PPP2R3A: variants seen among roughly 807,000 people sequenced by gnomAD.
The protein encoded by PPP2R3A is protein phosphatase 2 regulatory subunit B''alpha, also known as serine/threonine-protein phosphatase 2A regulatory subunit B'' subunit alpha.
A neutral mutation model predicts 106.9 loss-of-function variants in PPP2R3A; 80 were observed. The observed-to-expected ratio is 0.75, with a 90% CI of 0.62 to 0.90. The LOEUF (loss-of-function observed/expected upper bound fraction) is 0.90, where lower values mean the gene tolerates loss of function less well. Among genes scored for constraint, PPP2R3A ranks in the 40% least tolerant of loss-of-function variants. The pLI, the probability that PPP2R3A is intolerant of heterozygous loss-of-function variation, is 0.00. For synonymous variants in PPP2R3A, 483 were observed against 468.3 expected (o/e 1.03, Z -0.41); for missense variants, 1,386 against 1,350.4 (o/e 1.03, Z -0.41).
intron 7 of PPP2R3A, among the ~76,000 whole-genome samples, chr3:136,080,742 TAGTG>T (rs1405338819): frequency 1.3e-5 from 2 of 152,206 alleles, no homozygotes; most frequent in South Asian, 2.1e-4. Context: ...ATGTAGTTCT[TAGTG>T]GGTACAATCT....
rs541924189 is a variant in PPP2R3A, at chr3:136,114,140, G to A, written c.3329+7818G>A. ...GTGACCCGAAGCAGGGTGGGGCATC[G>A]CCTCACCCAGGAAGCAGAAGGGATC... On this transcript the variant is annotated intron_variant, in intron 13 of 13. Coordinates refer to ENST00000264977, the MANE Select transcript of PPP2R3A (RefSeq NM_002718.5). Among the ~76,000 whole-genome samples, 8 of 152,208 alleles carry A rather than the reference G, an allele frequency of 5.3e-5. No homozygotes were observed. The South Asian group carries it at 1.2e-3, about 24-fold the overall frequency.
chr3:136,074,379 G>A (rs1049562415), intron 6 of PPP2R3A, among the ~76,000 whole-genome samples: 2 of 152,170 alleles, frequency 1.3e-5, no homozygotes, highest in Non-Finnish European at 2.9e-5. Flanking sequence ...AAAAGAGATT[G>A]AACCTAAAGT....
At position 136,146,189 on chromosome 3, in the gene PPP2R3A, A is replaced by T. The variant is rs1384400232; in HGVS notation, c.*1023A>T. ...GAAATGGAAAATGATACAGCTATAA[A>T]AGAAAGCTGTTATTTACTGTAGTTG... On this transcript the variant is annotated 3_prime_UTR_variant, in exon 14 of 14. Transcript: ENST00000264977. 6.6e-6 allele frequency: 1 copy of T among 152,120 alleles called. No individual in the cohort carries two copies. The highest frequency in any genetic ancestry group is 1.5e-5 in the Non-Finnish European group (1 of 68,030). 9.4% of individuals were successfully genotyped at this position (152,120 alleles called of 1,614,324 possible). A position where few individuals can be genotyped will look rare whatever the true frequency, so the allele number is the denominator to read the frequency against.
chr3:136,125,664 T>C (rs1193372871), intron 13 of PPP2R3A, among the ~76,000 whole-genome samples: 1 of 152,058 alleles, frequency 6.6e-6, no homozygotes, highest in Non-Finnish European at 1.5e-5. Context: ...CTGGGTAACA[T>C]AGTGAGACCC....
At chr3:136,144,844 G>A (rs963669024) in intron 13 of PPP2R3A, among the ~76,000 whole-genome samples, 199 bp from the exon 14 acceptor site, 1 of 152,130 alleles carries the variant, frequency 6.6e-6, no homozygotes, top group Non-Finnish European at 1.5e-5. Flanking sequence ...ATGGACTTAA[G>A]CTTTAAGGAA....
chr3:136,005,372 T>C (rs1288280238), intron 2 of PPP2R3A, among the ~76,000 whole-genome samples: 1 of 152,194 alleles, frequency 6.6e-6, no homozygotes, highest in South Asian at 2.1e-4. Flanking sequence ...GTCTGTATGT[T>C]TTGTGGCTGC....
At chr3:135,993,873 C>A (rs1052218423) in intron 1 of PPP2R3A, among the ~76,000 whole-genome samples, 3 of 152,134 alleles carry the variant, frequency 2.0e-5, no homozygotes, top group African/African-American at 7.2e-5. Flanking sequence ...ATATGAAGAT[C>A]TAGAACTGGC....
At chr3:136,093,547 C>G (rs1260036376) in intron 10 of PPP2R3A, among the ~76,000 whole-genome samples, 1 of 152,104 alleles carries the variant, frequency 6.6e-6, no homozygotes, top group African/African-American at 2.4e-5. Flanking sequence ...ATAAACAACA[C>G]TTACAACTCA....
chr3:136,101,562 T>C (rs1937360550), intron 10 of PPP2R3A, among the ~76,000 whole-genome samples: 2 of 152,056 alleles, frequency 1.3e-5, no homozygotes, highest in Non-Finnish European at 2.9e-5. Flanking sequence ...GTAGCTGAGA[T>C]TACAGGCATG....
chr3:136,034,480 C>T (rs1935016133), intron 3 of PPP2R3A, among the ~76,000 whole-genome samples: 1 of 152,068 alleles, frequency 6.6e-6, no homozygotes, highest in Non-Finnish European at 1.5e-5. Flanking sequence ...CATTTTTGAC[C>T]CAGTGATCAT....
At chr3:136,049,641 C>T (rs908677252) in intron 5 of PPP2R3A, among the ~76,000 whole-genome samples, 1 of 152,172 alleles carries the variant, frequency 6.6e-6, no homozygotes, top group Non-Finnish European at 1.5e-5. Flanking sequence ...GGCCACTCAT[C>T]CTCCCCCTTG....
At position 136,002,607 on chromosome 3, in the gene PPP2R3A, C is replaced by G. The variant is rs113292925; in HGVS notation, c.1109C>G (p.Pro370Arg). ...AAGATGGACACTGTACAATCCATTC[C>G]AAACAACTCCACAAATTCCTTATAT... ...SRKMDTVQSIPNNSTNSLYNL... is the reference protein window; with the variant it reads ...SRKMDTVQSIRNNSTNSLYNL... The change falls in exon 2 of 14, where the codon CCA (proline) becomes CGA (arginine). Residue 370 changes from proline (P) to arginine (R), a missense_variant. Transcript: ENST00000264977. 6.9e-5 allele frequency: 111 copies of G among 1,613,944 alleles called. 3 individuals are homozygous for G. In the African/African-American group the frequency reaches 7.5e-4, roughly 11 times the overall value.
intron 8 of PPP2R3A, among the ~76,000 whole-genome samples, chr3:136,083,268 C>G (rs980965721): frequency 3.3e-5 from 5 of 152,190 alleles, no homozygotes; most frequent in Non-Finnish European, 7.4e-5. Context: ...CCCATAATCC[C>G]CACCTGTTGT....
At chr3:136,070,426 G>C (rs1473197775) in intron 5 of PPP2R3A, 52 bp from the exon 6 acceptor site, 3 of 1,473,312 alleles carry the variant, frequency 2.0e-6, no homozygotes, top group Non-Finnish European at 2.8e-6. Context: ...AACTTCCATA[G>C]GCATAATTTT....
chr3:136,012,459 T>C (rs905538963), intron 2 of PPP2R3A, among the ~76,000 whole-genome samples: 1 of 152,184 alleles, frequency 6.6e-6, no homozygotes, highest in Non-Finnish European at 1.5e-5. Flanking sequence ...AAAATGCTTA[T>C]TAGGTTTCCT....
At chr3:136,120,028 A>G (rs565769140) in intron 13 of PPP2R3A, among the ~76,000 whole-genome samples, 1 of 152,272 alleles carries the variant, frequency 6.6e-6, no homozygotes, top group African/African-American at 2.4e-5. Flanking sequence ...GCAGCCATAA[A>G]AAAGGATGAG....
chr3:136,125,946 G>A (rs1938163995), intron 13 of PPP2R3A, among the ~76,000 whole-genome samples: 1 of 152,140 alleles, frequency 6.6e-6, no homozygotes, highest in African/African-American at 2.4e-5. Context: ...AGGATAGAGG[G>A]GAAGTTGCTA....
chr3:136,099,808 A>T (rs1270653604), intron 10 of PPP2R3A, among the ~76,000 whole-genome samples: 4 of 152,100 alleles, frequency 2.6e-5, no homozygotes, highest in Non-Finnish European at 5.9e-5. Flanking sequence ...TTGTATTTGC[A>T]CTGAGAAAAC....
chr3:135,966,036 T>TCGGTG (rs761032303), intron 1 of PPP2R3A, among the ~76,000 whole-genome samples, 187 bp downstream of exon 1: 74 of 151,532 alleles, frequency 4.9e-4, no homozygotes, highest in East Asian at 3.7e-3. Context: ...GGAATTCCAG[T>TCGGTG]CGGTGCGGTG....
Sources: allele counts gnomAD v4.1 joint callset (sites outside exome capture counted in the v4.1 genomes callset), GRCh38; gene constraint gnomAD v4.1.1; transcripts MANE v1.5; gene names NCBI Gene and HGNC (gene_info 2026-07-23, HGNC 2026-07-21).